Variants in DNAH17 observed in about 807,000 individuals in gnomAD.
The protein encoded by DNAH17 is dynein axonemal heavy chain 17, also known as axonemal beta dynein heavy chain 17.
Under a neutral mutation model 485.6 loss-of-function variants are expected in DNAH17, and 376 were observed. That is an observed-to-expected ratio of 0.77 (90% CI 0.71 to 0.84). The LOEUF is 0.84. Among genes scored for constraint, DNAH17 ranks in the 40% least tolerant of loss-of-function variants. DNAH17 has a pLI of 0.00. For synonymous variants in DNAH17, 3,031 were observed against 2,405.9 expected, an observed-to-expected ratio of 1.26 and a Z score of -7.60; for missense variants, 6,370 against 5,839.3, an observed-to-expected ratio of 1.09 and a Z score of -2.96.
intron 9 of DNAH17, among the ~76,000 whole-genome samples, chr17:78,568,126 G>A (rs1480858762): frequency 6.6e-6 from 1 of 152,260 alleles, no homozygotes; most frequent in South Asian, 2.1e-4. Context: ...GTTGTCAGGG[G>A]GTGGACAGCA....
chr17:78,537,606 T>C, intron 18 of DNAH17, 125 bp from the exon 19 acceptor site: 1 of 1,132,950 alleles, frequency 8.8e-7, no homozygotes, highest in South Asian at 1.5e-5. Flanking sequence ...GGGAAGCTTC[T>C]GAGAGCTCGT....
chr17:78,468,889 C>T lies in DNAH17; in HGVS notation c.8512-6G>A, dbSNP rs149481363. 2,294 of 1,611,050 alleles carry T rather than the reference C, an allele frequency of 1.4e-3. 13 individuals carry two copies. In the East Asian group the frequency reaches 0.016, roughly 11 times the overall value. ...TACTGAGCAGCGAGGTCAATCTGGA[C>T]GGAGTGAGGACACGCTTAGGGGCCT... is the stretch of plus-strand genomic sequence containing the variant. On this transcript the variant is annotated splice_polypyrimidine_tract_variant and splice_region_variant and intron_variant, in intron 54 of 80. Coordinates refer to ENST00000389840, the MANE Select transcript of DNAH17 (RefSeq NM_173628.4).
intron 28 of DNAH17, 41 bp from the exon 29 acceptor site, chr17:78,507,410 A>T: frequency 6.2e-7 from 1 of 1,613,902 alleles, no homozygotes. Flanking sequence ...AGGGATCGCC[A>T]CACACAGTCA....
chr17:78,483,728 C>T (rs1293649662), intron 48 of DNAH17, among the ~76,000 whole-genome samples: 3 of 152,200 alleles, frequency 2.0e-5, no homozygotes, highest in Non-Finnish European at 4.4e-5. Flanking sequence ...CTGCCTTTCT[C>T]GGCATGAGGC....
rs371320018 is a variant in DNAH17, at chr17:78,450,311, G to A, written c.10983C>T (p.Leu3661=). Residue 3661 remains leucine (L), a synonymous_variant, in exon 68 of 81, where the codon CTC becomes CTT. Coordinates refer to ENST00000389840, the MANE Select transcript of DNAH17 (RefSeq NM_173628.4). ...YRPAAERASL[L]YFILNDLNKI... ...TGTTGAGATCGTTCAGTATGAAGTA[G>A]AGCAGAGATGCCCTCTCCGCAGCCG... 1.9e-5 allele frequency: 30 copies of A among 1,613,990 alleles called. No individual in the cohort carries two copies. In the African/African-American group the frequency reaches 3.1e-4, roughly 16 times the overall value.
intron 54 of DNAH17, among the ~76,000 whole-genome samples, chr17:78,473,133 C>T (rs8075887): frequency 0.016 from 2,385 of 152,298 alleles, 57 homozygotes; most frequent in African/African-American, 0.053. Context: ...ATGGCAGCAC[C>T]ATTAGAACGA....
chr17:78,495,374 C>A (rs571641665), intron 38 of DNAH17, among the ~76,000 whole-genome samples: 5 of 152,274 alleles, frequency 3.3e-5, no homozygotes, highest in African/African-American at 1.2e-4. Context: ...AGGTGCGGTC[C>A]TCCCACCCAG....
intron 19 of DNAH17, 28 bp from the exon 20 acceptor site, chr17:78,532,764 G>T (rs1370377285): frequency 2.6e-6 from 4 of 1,558,708 alleles, no homozygotes; most frequent in African/African-American, 1.4e-5. Context: ...GAAGCAAAAA[G>T]GGGAGGTATG....
chr17:78,546,257 T>C lies in DNAH17; in HGVS notation c.2392-2260A>G, dbSNP rs1186642351. 3.3e-5 allele frequency among the ~76,000 whole-genome samples: 5 copies of C among 152,234 alleles called. No individual in the cohort carries two copies. In the East Asian group the frequency reaches 9.6e-4, roughly 29 times the overall value. On this transcript the variant is annotated intron_variant, in intron 16 of 80. Transcript: ENST00000389840. ...ACTGCCATCTTTTAAAGGTCAAAAA[T>C]GGTCAATTATTGGAAGTTTCATATG...
intron 12 of DNAH17, 49 bp from the exon 13 acceptor site, chr17:78,560,984 G>A: frequency 3.3e-6 from 5 of 1,507,930 alleles, no homozygotes; most frequent in South Asian, 1.2e-5. Flanking sequence ...CTCCTGTGGG[G>A]TGTCTTCGGC....
chr17:78,497,433 G>T (rs998562642), intron 37 of DNAH17, among the ~76,000 whole-genome samples: 14 of 152,176 alleles, frequency 9.2e-5, no homozygotes, highest in African/African-American at 3.4e-4. Flanking sequence ...GGGGCCTTTC[G>T]GAACAGCACC....
At chr17:78,544,750 G>A (rs933366199) in intron 16 of DNAH17, among the ~76,000 whole-genome samples, 8 of 127,238 alleles carry the variant, frequency 6.3e-5, no homozygotes, top group Admixed American at 3.8e-4. Context: ...GCAGTGAGCC[G>A]AGATCACGCC....
chr17:78,484,737 GCACCCCCCC>G, intron 48 of DNAH17, 122 bp downstream of exon 48: 1 of 282,514 alleles, frequency 3.5e-6, no homozygotes, highest in Non-Finnish European at 5.7e-6. Flanking sequence ...CCACGTTGCA[GCACCCCCCC>G]CACCGCCCCA....
chr17:78,433,735 G>A (rs2086760045), intron 75 of DNAH17, among the ~76,000 whole-genome samples: 1 of 152,040 alleles, frequency 6.6e-6, no homozygotes, highest in Non-Finnish European at 1.5e-5. Flanking sequence ...GGCGTGGAGT[G>A]TGCTAACAAG....
intron 1 of DNAH17, among the ~76,000 whole-genome samples, chr17:78,575,489 TAA>T (rs1355677948): frequency 2.6e-5 from 4 of 152,012 alleles, no homozygotes; most frequent in Admixed American, 2.0e-4. Context: ...GGGAAAGCAA[TAA>T]AAGACGTCGC....
intron 25 of DNAH17, chr17:78,522,215 A>G (rs1169367895): frequency 1.2e-5 from 2 of 170,200 alleles, no homozygotes; most frequent in East Asian, 3.6e-4. Flanking sequence ...GCTGTGGAGA[A>G]CCCAGCCCAG....
At position 78,499,036 on chromosome 17, in the gene DNAH17, A is replaced by G. The variant is rs759679139; in HGVS notation, c.5717T>C (p.Val1906Ala). 6.2e-7 allele frequency: 1 copy of G among 1,610,790 alleles called. No individual in the cohort carries two copies. Among genetic ancestry groups the G allele is most frequent in the East Asian group, 2.2e-5 (1 of 44,548 alleles). The change falls in exon 37 of 81, where the codon GTG becomes GCG. Residue 1906 changes from valine to alanine, a missense_variant. Coordinates refer to ENST00000389840, the MANE Select transcript of DNAH17 (RefSeq NM_173628.4). The part of the protein sequence containing the change: ...GCFDEFNRIS[V>A]EVLSVIAVQV... ...CACGGCAATCACAGACAAGACTTCC[A>G]CTGAGATGCGATTAAACTCGTCAAA...
At chr17:78,574,075 C>CA (rs1303768434) in intron 2 of DNAH17, among the ~76,000 whole-genome samples, 2 of 152,214 alleles carry the variant, frequency 1.3e-5, no homozygotes, top group Admixed American at 1.3e-4. Context: ...CTTCCCAGGC[C>CA]ATGGGCAGCA....
At position 78,574,502 on chromosome 17, in the gene DNAH17, C is replaced by CCA. The variant is rs1269095997; in HGVS notation, c.345+210_345+211insTG. ...TGGGAAGCAGAGTGAGACCCTGTCT[C>CCA]AAAAAAAAAAAAAAATTTAAAAACC... is the stretch of plus-strand genomic sequence containing the variant. On this transcript the variant is annotated intron_variant, in intron 2 of 80. Transcript: ENST00000389840. 1.8e-3 allele frequency among the ~76,000 whole-genome samples: 245 copies of CCA among 132,992 alleles called. 2 individuals carry two copies. Among genetic ancestry groups the CCA allele is most frequent in the African/African-American group, 6.5e-3 (234 of 36,102 alleles). The allele number at this position is 132,992 out of a possible 152,430, so 87.2% of individuals were successfully genotyped here.
Sources: gnomAD v4.1 joint callset for allele counts (sites outside exome capture counted in the v4.1 genomes callset) on GRCh38, gnomAD v4.1.1 for gene constraint, MANE v1.5 for transcripts, NCBI Gene and HGNC (gene_info 2026-07-23, HGNC 2026-07-21) for gene names.